The following NAV2 variants were observed in gnomAD, a reference collection of about 807,000 sequenced individuals.
NAV2 encodes helicase, APC down-regulated 1.
Under a neutral mutation model 223.2 loss-of-function variants are expected in NAV2, and 54 were observed. The ratio of observed to expected loss-of-function variants is 0.24; its 90% CI spans 0.19 to 0.30. The LOEUF (loss-of-function observed/expected upper bound fraction) is 0.30, where lower values mean the gene tolerates loss of function less well. Among genes scored for constraint, NAV2 ranks in the 10% least tolerant of loss-of-function variants. The pLI, the probability that NAV2 is intolerant of heterozygous loss-of-function variation, is 1.00. For missense variants in NAV2, 2,806 were observed against 3,147.5 expected, an observed-to-expected ratio of 0.89 and a Z score of 2.60; for synonymous variants, 1,279 against 1,239.3, an observed-to-expected ratio of 1.03 and a Z score of -0.67.
chr11:19,938,418 T>G (rs1315814375), intron 7 of NAV2, among the ~76,000 whole-genome samples: 1 of 152,146 alleles, frequency 6.6e-6, no homozygotes, highest in African/African-American at 2.4e-5. Context: ...CTTTAGAGGG[T>G]GCAGCCACCA....
intron 1 of NAV2, among the ~76,000 whole-genome samples, chr11:19,614,789 G>A (rs2046746188): frequency 6.6e-6 from 1 of 152,110 alleles, no homozygotes; most frequent in Non-Finnish European, 1.5e-5. Context: ...ATTTCCCCTA[G>A]AACTCTATAG....
intron 1 of NAV2, among the ~76,000 whole-genome samples, chr11:19,599,832 T>C (rs2135229767): frequency 6.6e-6 from 1 of 152,284 alleles, no homozygotes; most frequent in African/African-American, 2.4e-5. Context: ...TGGGAACGTT[T>C]CCCTTCACTA....
chr11:19,805,990 C>T (rs2058538772), intron 1 of NAV2, among the ~76,000 whole-genome samples: 1 of 152,206 alleles, frequency 6.6e-6, no homozygotes, highest in Non-Finnish European at 1.5e-5. Flanking sequence ...CCTGGAATTT[C>T]ACTACAGAGG....
rs190111505 is a variant in NAV2 at position 19,784,312 on chromosome 11, C to T, written c.268-48172C>T. On this transcript the variant is annotated intron_variant, in intron 1 of 37. Transcript: ENST00000349880. ...CTGAGGCAGGAGAATCGCTTGAACC[C>T]GGGAGGTGGAGGTTGCGGTGAGCCA... Among the ~76,000 whole-genome samples, 120 of 143,136 alleles carry T rather than the reference C, an allele frequency of 8.4e-4. No homozygotes were observed. The East Asian group carries it at 0.022, about 26-fold the overall frequency. 93.9% of individuals were successfully genotyped at this position (143,136 alleles called of 152,430 possible). A position where few individuals can be genotyped will look rare whatever the true frequency, so the allele number is the denominator to read the frequency against.
chr11:19,908,887 G>A (rs1374819902), intron 6 of NAV2, among the ~76,000 whole-genome samples: 1 of 152,166 alleles, frequency 6.6e-6, no homozygotes, highest in Admixed American at 6.5e-5. Context: ...GGGATGAAGA[G>A]TTGCTAGAGT....
At chr11:19,552,630 AC>A (rs2044727358) in intron 1 of NAV2, among the ~76,000 whole-genome samples, 1 of 152,248 alleles carries the variant, frequency 6.6e-6, no homozygotes, top group Non-Finnish European at 1.5e-5. Flanking sequence ...CCACTCTGTG[AC>A]ATGAAGGACG....
At chr11:19,838,369 T>C (rs2060340737) in intron 2 of NAV2, among the ~76,000 whole-genome samples, 1 of 152,030 alleles carries the variant, frequency 6.6e-6, no homozygotes, top group Non-Finnish European at 1.5e-5. Context: ...AACTTACCTA[T>C]AAGCCAAGAC....
rs994174438 is a variant in NAV2, at chr11:19,949,071, T to C, written c.2636T>C (p.Ile879Thr). ...AGCAAGAACATCCGGACCGATGACA[T>C]TACAAGCGGGTAAGTACCCGGGGCC... ...VLSKNIRTDD[I>T]TSGYMTDGGL... The change falls in exon 10 of 38, where the codon ATT becomes ACT. Residue 879 changes from isoleucine (I) to threonine (T), a missense_variant. Physicochemically the swap from Ile to Thr is moderately conservative, Grantham distance 89. Transcript: ENST00000349880. 8 of 1,602,772 alleles carry C rather than the reference T, an allele frequency of 5.0e-6. No individual in the cohort carries two copies. Among genetic ancestry groups the C allele is most frequent in the Non-Finnish European group, 6.8e-6 (8 of 1,172,692 alleles).
At chr11:20,114,323 G>A (rs1371647959) in intron 36 of NAV2, 12 of 526,848 alleles carry the variant, frequency 2.3e-5, no homozygotes, top group South Asian at 6.9e-5. Context: ...AGGGTCACAC[G>A]GTGAGTCAGT....
intron 1 of NAV2, among the ~76,000 whole-genome samples, chr11:19,736,078 C>T (rs1003302642): frequency 1.3e-5 from 2 of 152,146 alleles, no homozygotes; most frequent in African/African-American, 4.8e-5. Flanking sequence ...AGAGTGAGGT[C>T]CGTGGAGGGT....
intron 1 of NAV2, among the ~76,000 whole-genome samples, chr11:19,579,467 G>T (rs2045655932): frequency 6.6e-6 from 1 of 152,148 alleles, no homozygotes; most frequent in South Asian, 2.1e-4. Context: ...TGACAGTCAT[G>T]GGTGGCAGCT....
intron 1 of NAV2, among the ~76,000 whole-genome samples, chr11:19,548,410 A>G (rs543423586): frequency 1.2e-4 from 19 of 152,270 alleles, no homozygotes; most frequent in African/African-American, 4.6e-4. Flanking sequence ...GCTTACCTCC[A>G]TTTCGCAGAT....
At chr11:19,717,130 C>T (rs2152337786) in intron 1 of NAV2, among the ~76,000 whole-genome samples, 1 of 152,354 alleles carries the variant, frequency 6.6e-6, no homozygotes, top group South Asian at 2.1e-4. Flanking sequence ...GGTACAGCCA[C>T]TTGCTCTCGG....
intron 11 of NAV2, among the ~76,000 whole-genome samples, chr11:20,011,260 T>G (rs1241432984): frequency 1.3e-5 from 2 of 151,516 alleles, no homozygotes; most frequent in Non-Finnish European, 1.5e-5. Flanking sequence ...GATTTTCTTG[T>G]TTTTTTTTAA....
chr11:19,797,073 CG>C (rs2057953708), intron 1 of NAV2, among the ~76,000 whole-genome samples: 1 of 152,048 alleles, frequency 6.6e-6, no homozygotes, highest in Non-Finnish European at 1.5e-5. Flanking sequence ...GCCCCCCACA[CG>C]GGTTTGAGAG....
At chr11:19,473,304 C>A (rs1389179588) in intron 1 of NAV2, among the ~76,000 whole-genome samples, 1 of 148,674 alleles carries the variant, frequency 6.7e-6, no homozygotes, top group Admixed American at 6.8e-5. Flanking sequence ...TTAGATGGTA[C>A]AGATGGATGA....
intron 1 of NAV2, among the ~76,000 whole-genome samples, chr11:19,395,895 A>C (rs1281944561): frequency 6.6e-6 from 1 of 152,246 alleles, no homozygotes; most frequent in African/African-American, 2.4e-5. Flanking sequence ...AAAAGTAGAC[A>C]GGATGCTATT....
chr11:19,909,460 C>T (rs375118185), intron 6 of NAV2, among the ~76,000 whole-genome samples: 7 of 152,340 alleles, frequency 4.6e-5, no homozygotes, highest in South Asian at 2.1e-4. Flanking sequence ...GTTTATCTTT[C>T]TGCCTCTGAT....
At chr11:19,673,229 T>TAG (rs144408846) in intron 1 of NAV2, among the ~76,000 whole-genome samples, 2,323 of 152,374 alleles carry the variant, frequency 0.015, 46 homozygotes, top group East Asian at 0.068. Flanking sequence ...ACCAGGATGC[T>TAG]AGAGATGCTA....
Sources: allele counts gnomAD v4.1 joint callset (sites outside exome capture counted in the v4.1 genomes callset), GRCh38; gene constraint gnomAD v4.1.1; transcripts MANE v1.5; gene names NCBI Gene and HGNC (gene_info 2026-07-23, HGNC 2026-07-21).